MTM1: variants seen among roughly 807,000 people sequenced by gnomAD.
The protein encoded by MTM1 is myotubularin.
A neutral mutation model predicts 52.1 loss-of-function variants in MTM1; 9 were observed. The ratio of observed to expected loss-of-function variants is 0.17; its 90% confidence interval spans 0.10 to 0.30. The LOEUF is 0.30. Ranked by LOEUF, MTM1 falls within the 10% of genes least tolerant of loss-of-function variation. MTM1 has a pLI of 1.00. For synonymous variants in MTM1, 136 were observed against 163.8 expected, an observed-to-expected ratio of 0.83 and a Z score of 1.29; for missense variants, 277 against 470.7, an observed-to-expected ratio of 0.59 and a Z score of 3.81.
upstream of MTM1, among the ~76,000 whole-genome samples, chrX:150,564,365 A>G (rs781977377): frequency 5.4e-5 from 6 of 111,228 alleles, no homozygotes; most frequent in African/African-American, 2.0e-4. Context: ...AGATGCTTAC[A>G]TTCTTTTACT....
chrX:150,662,845 T>C (rs1332250052), intron 13 of MTM1, among the ~76,000 whole-genome samples: 1 of 110,404 alleles, frequency 9.1e-6, no homozygotes, highest in East Asian at 2.8e-4. Flanking sequence ...TAAAAAGCAA[T>C]GAAAATGTGA....
chrX:150,647,765 C>T (rs782370268), intron 9 of MTM1, among the ~76,000 whole-genome samples: 21 of 111,511 alleles, frequency 1.9e-4, no homozygotes, highest in South Asian at 3.7e-4. Flanking sequence ...AATTTACATC[C>T]CCAGATGCAA....
chrX:150,663,648 C>T (rs1478491964), intron 14 of MTM1, 39 bp downstream of exon 14: 2 of 1,123,114 alleles, frequency 1.8e-6, no homozygotes, highest in Admixed American at 2.2e-5. Flanking sequence ...GCAATGTCAA[C>T]TGCTTGCCTT....
intron 4 of MTM1, among the ~76,000 whole-genome samples, chrX:150,604,965 C>T (rs1159712320): frequency 1.8e-5 from 2 of 111,561 alleles, no homozygotes; most frequent in African/African-American, 6.5e-5. Flanking sequence ...AACAAGCCCT[C>T]TGCCTCCTCA....
At chrX:150,615,621 G>A (rs1199348067) in intron 5 of MTM1, among the ~76,000 whole-genome samples, 2 of 111,716 alleles carry the variant, frequency 1.8e-5, no homozygotes, top group Non-Finnish European at 3.8e-5. Flanking sequence ...GTGTTGCCTA[G>A]GGAGCCAGCG....
At position 150,596,495 on chromosome X, in the gene MTM1, T is replaced by C; in HGVS notation, c.64-3T>C. On this transcript the variant is annotated splice_region_variant and splice_polypyrimidine_tract_variant and intron_variant, in intron 2 of 14. Coordinates refer to ENST00000370396, the MANE Select transcript of MTM1 (RefSeq NM_000252.3). Reference sequence around the variant, plus strand: ...ACTTCTGATGCATCTGTTTTGTTTCTAGACGTCTCGAGATGGAGTCAATCG... The same window carrying C: ...ACTTCTGATGCATCTGTTTTGTTTCCAGACGTCTCGAGATGGAGTCAATCG... The C allele has an allele frequency of 1.7e-6, 2 of 1,206,301 alleles. No individual in the cohort carries two copies. Among genetic ancestry groups the C allele is most frequent in the Non-Finnish European group, 2.2e-6 (2 of 891,553 alleles).
chrX:150,670,849 T>G (rs2040384672), intron 14 of MTM1, among the ~76,000 whole-genome samples: 1 of 112,092 alleles, frequency 8.9e-6, no homozygotes, highest in Non-Finnish European at 1.9e-5. Context: ...AATCACTGAT[T>G]ACCCATCAGC....
intron 6 of MTM1, among the ~76,000 whole-genome samples, chrX:150,631,858 G>A (rs2039677519): frequency 9.0e-6 from 1 of 110,655 alleles, no homozygotes; most frequent in Non-Finnish European, 1.9e-5. Context: ...TTGCTGATTT[G>A]AAGTACTGTC....
intron 1 of MTM1, among the ~76,000 whole-genome samples, chrX:150,580,275 A>G (rs1557411821): frequency 1.8e-5 from 2 of 112,136 alleles, no homozygotes; most frequent in Non-Finnish European, 3.8e-5. Context: ...CTTACTGACT[A>G]TACATATCAC....
At chrX:150,583,934 A>ATATATTTAATATATATT (rs2038730650) in intron 1 of MTM1, among the ~76,000 whole-genome samples, 1 of 40,937 alleles carries the variant, frequency 2.4e-5, no homozygotes, top group African/African-American at 7.5e-5. Context: ...ATATTAAATT[A>ATATATTTAATATATATT]AAATATATAT....
In MTM1 at chrX:150,672,770, G is replaced by A. The variant is rs2040414518; in HGVS notation, c.*1175G>A. On this transcript the variant is annotated 3_prime_UTR_variant, in exon 15 of 15. Coordinates refer to ENST00000370396, the MANE Select transcript of MTM1 (RefSeq NM_000252.3). Reference sequence around the variant, plus strand: ...TATATTTGTAAAAGCTAAGGCTCGAGTTAAAACAATGAAGTGTTTTACAAT... The same window carrying A: ...TATATTTGTAAAAGCTAAGGCTCGAATTAAAACAATGAAGTGTTTTACAAT... 8.9e-6 allele frequency: 1 copy of A among 111,946 alleles called. No homozygotes were observed. The highest frequency in any genetic ancestry group is 3.2e-5 in the African/African-American group (1 of 30,847). The allele number at this position is 111,946 out of a possible 1,213,427, so 9.2% of individuals were successfully genotyped here. A position where few individuals can be genotyped will look rare whatever the true frequency, so the allele number is the denominator to read the frequency against.
chrX:150,580,136 A>G (rs1480473608), intron 1 of MTM1, among the ~76,000 whole-genome samples: 1 of 111,905 alleles, frequency 8.9e-6, no homozygotes, highest in African/African-American at 3.2e-5. Context: ...AAGGTTTTTC[A>G]TAGGTGCCCT....
Position 150,659,644 on chromosome X carries a change from A to G in MTM1, c.1261-20A>G, listed in dbSNP as rs782643667. ...TTGTACCCATTAATTAAAACAAATTATCTTCATCAATTTATTCAGCGAATA... is the reference window on the plus strand; with the variant it reads ...TTGTACCCATTAATTAAAACAAATTGTCTTCATCAATTTATTCAGCGAATA... On this transcript the variant is annotated intron_variant, in intron 11 of 14. Coordinates refer to ENST00000370396, the MANE Select transcript of MTM1 (RefSeq NM_000252.3). 3 of 1,172,206 alleles carry G rather than the reference A, an allele frequency of 2.6e-6. No homozygotes were observed. The highest frequency in any genetic ancestry group is 5.9e-5 in the East Asian group (2 of 33,643).
chrX:150,626,156 A>G (rs1208456572), intron 6 of MTM1, among the ~76,000 whole-genome samples: 1 of 112,263 alleles, frequency 8.9e-6, no homozygotes, highest in Non-Finnish European at 1.9e-5. Flanking sequence ...TATCTACCCC[A>G]TGTCCTCTCT....
At chrX:150,669,438 C>T (rs1279793765) in intron 14 of MTM1, among the ~76,000 whole-genome samples, 4 of 111,785 alleles carry the variant, frequency 3.6e-5, no homozygotes, top group Non-Finnish European at 5.6e-5. Flanking sequence ...CTTGAGGAAT[C>T]GCCACACTGT....
intron 11 of MTM1, 40 bp downstream of exon 11, chrX:150,658,067 C>A: frequency 9.7e-7 from 1 of 1,035,266 alleles, no homozygotes; most frequent in Non-Finnish European, 1.4e-6. Context: ...AGATCACTAC[C>A]ATTCAGGATT....
At chrX:150,650,312 G>T (rs890119342) in intron 10 of MTM1, among the ~76,000 whole-genome samples, 11 of 109,527 alleles carry the variant, frequency 1.0e-4, no homozygotes, top group South Asian at 7.9e-4. Flanking sequence ...TTATTTTAAA[G>T]AATTGGTTTT....
chrX:150,585,090 AGTGTGTGTGTGTGTAT>A (rs2038761509), intron 1 of MTM1, among the ~76,000 whole-genome samples: 1 of 108,053 alleles, frequency 9.3e-6, no homozygotes, highest in Non-Finnish European at 1.9e-5. Flanking sequence ...AGAGAGAAAG[AGTGTGTGTGTGTGTAT>A]GTGTGTGTGG....
At chrX:150,598,159 G>A (rs2039010692) in intron 3 of MTM1, among the ~76,000 whole-genome samples, 1 of 112,503 alleles carries the variant, frequency 8.9e-6, no homozygotes, top group South Asian at 3.7e-4. Flanking sequence ...ACATGATTAT[G>A]TTTCTGTGGT....
Sources: gnomAD v4.1 joint callset for allele counts (sites outside exome capture counted in the v4.1 genomes callset) on GRCh38, gnomAD v4.1.1 for gene constraint, MANE v1.5 for transcripts, NCBI Gene and HGNC (gene_info 2026-07-23, HGNC 2026-07-21) for gene names.